The following SYNPR variants were observed in gnomAD, a reference collection of about 807,000 sequenced individuals.
SYNPR encodes the protein synaptoporin.
A neutral mutation model predicts 32.9 loss-of-function variants in SYNPR; 23 were observed. That is an observed-to-expected ratio of 0.70 (90% CI 0.50 to 0.99). SYNPR has a LOEUF of 0.99. SYNPR is among the 50% of genes least tolerant of loss of function. The probability of loss-of-function intolerance (pLI) is 0.00; values close to 1 mark genes in which losing one functional copy is unlikely to be tolerated. For synonymous variants in SYNPR, 146 were observed against 135.9 expected, an observed-to-expected ratio of 1.07 and a Z score of -0.52; for missense variants, 318 against 349.3, an observed-to-expected ratio of 0.91 and a Z score of 0.71.
chr3:63,244,234 G>A (rs148176544), intron 1 of SYNPR, among the ~76,000 whole-genome samples: 3 of 152,028 alleles, frequency 2.0e-5, no homozygotes, highest in Non-Finnish European at 4.4e-5. Flanking sequence ...CACAGATAAT[G>A]TATCTAATAT....
At chr3:63,255,773 C>G (rs923758284) in intron 2 of SYNPR, among the ~76,000 whole-genome samples, 1 of 151,832 alleles carries the variant, frequency 6.6e-6, no homozygotes, top group Non-Finnish European at 1.5e-5. Context: ...TGCAGTGCAC[C>G]GAGTGTGAGC....
At chr3:63,412,507 T>C (rs1457329428) in intron 2 of SYNPR, among the ~76,000 whole-genome samples, 1 of 152,118 alleles carries the variant, frequency 6.6e-6, no homozygotes, top group Non-Finnish European at 1.5e-5. Context: ...GTTTATAGTA[T>C]AGCTGAGACA....
At chr3:63,204,879 G>A in the SYNPR span, among the ~76,000 whole-genome samples, 107,346 of 151,786 alleles carry the variant, frequency 0.71, 38,461 homozygotes, top group Middle Eastern at 0.78. Context: ...GTAGAGATGA[G>A]GTTTTGCCAT....
chr3:63,399,358 C>T (rs2088259752), intron 2 of SYNPR, among the ~76,000 whole-genome samples: 1 of 152,134 alleles, frequency 6.6e-6, no homozygotes, highest in South Asian at 2.1e-4. Context: ...TGATGGACAT[C>T]ACTAGTTGAT....
intron 2 of SYNPR, among the ~76,000 whole-genome samples, chr3:63,292,871 T>C (rs1403211988): frequency 6.6e-6 from 1 of 152,136 alleles, no homozygotes; most frequent in Non-Finnish European, 1.5e-5. Context: ...TGAATTTGAG[T>C]GGGACAGTAA....
At chr3:63,495,484 G>T (rs1306453120) in intron 3 of SYNPR, among the ~76,000 whole-genome samples, 1 of 152,108 alleles carries the variant, frequency 6.6e-6, no homozygotes, top group African/African-American at 2.4e-5. Context: ...TACAGAGCTG[G>T]GGCTTCTTCC....
At chr3:63,601,035 G>A (rs1700033214) in intron 4 of SYNPR, among the ~76,000 whole-genome samples, 1 of 152,184 alleles carries the variant, frequency 6.6e-6, no homozygotes, top group Non-Finnish European at 1.5e-5. Flanking sequence ...CACTTTGGGA[G>A]GCCGAGGTGG....
intron 2 of SYNPR, among the ~76,000 whole-genome samples, chr3:63,264,119 G>C (rs1389279830): frequency 6.6e-6 from 1 of 152,110 alleles, no homozygotes; most frequent in Non-Finnish European, 1.5e-5. Context: ...TGATTCTGCT[G>C]TTCTATGTCT....
intron 4 of SYNPR, among the ~76,000 whole-genome samples, chr3:63,563,078 A>C (rs1379116898): frequency 6.6e-6 from 1 of 152,158 alleles, no homozygotes; most frequent in Non-Finnish European, 1.5e-5. Flanking sequence ...GTAGTTCCTT[A>C]GTCCCACAAA....
At chr3:63,354,083 C>T (rs1431395739) in intron 2 of SYNPR, among the ~76,000 whole-genome samples, 2 of 152,166 alleles carry the variant, frequency 1.3e-5, no homozygotes, top group African/African-American at 4.8e-5. Flanking sequence ...CTTGAGTTTC[C>T]TCACAAATAA....
intron 2 of SYNPR, among the ~76,000 whole-genome samples, chr3:63,414,918 C>A (rs1275744971): frequency 6.6e-6 from 1 of 152,242 alleles, no homozygotes; most frequent in East Asian, 1.9e-4. Flanking sequence ...TTCGTTTTAT[C>A]TCTAAAAGTG....
At chr3:63,475,027 T>G (rs914017475) in intron 2 of SYNPR, among the ~76,000 whole-genome samples, 1 of 152,224 alleles carries the variant, frequency 6.6e-6, no homozygotes, top group African/African-American at 2.4e-5. Context: ...ACACAAGGAT[T>G]GAGCTGCTTG....
chr3:63,529,439 G>T (rs906070316), intron 3 of SYNPR, among the ~76,000 whole-genome samples: 2 of 152,158 alleles, frequency 1.3e-5, no homozygotes, highest in African/African-American at 4.8e-5. Flanking sequence ...CAGATGTGGA[G>T]CCCAGGTACA....
intron 1 of SYNPR, among the ~76,000 whole-genome samples, chr3:63,237,155 G>A (rs1006128158): frequency 3.9e-5 from 6 of 152,042 alleles, no homozygotes; most frequent in African/African-American, 1.4e-4. Flanking sequence ...ATACGATCAT[G>A]ATTTGACTTG....
chr3:63,399,120 T>C (rs2088256532), intron 2 of SYNPR, among the ~76,000 whole-genome samples: 1 of 152,206 alleles, frequency 6.6e-6, no homozygotes, highest in African/African-American at 2.4e-5. Context: ...TCAGGACCTA[T>C]GGCTAGAATG....
At chr3:63,233,525 C>G (rs765085702) in intron 1 of SYNPR, among the ~76,000 whole-genome samples, 11 of 152,142 alleles carry the variant, frequency 7.2e-5, no homozygotes, top group Non-Finnish European at 2.9e-5. Flanking sequence ...TTACTAAATT[C>G]CATGTGGAAC....
intron 2 of SYNPR, among the ~76,000 whole-genome samples, chr3:63,460,868 G>C (rs1416966051): frequency 6.6e-6 from 1 of 152,090 alleles, no homozygotes; most frequent in African/African-American, 2.4e-5. Flanking sequence ...GGCAGGTACA[G>C]CTGACAAGAC....
chr3:63,584,922 C>T (rs1309894181), intron 4 of SYNPR, among the ~76,000 whole-genome samples: 2 of 152,044 alleles, frequency 1.3e-5, no homozygotes, highest in Non-Finnish European at 2.9e-5. Context: ...GTTAGAAATG[C>T]AGACTCTCAG....
At chr3:63,420,713 T>C (rs1412958243) in intron 2 of SYNPR, among the ~76,000 whole-genome samples, 2 of 152,160 alleles carry the variant, frequency 1.3e-5, no homozygotes, top group African/African-American at 4.8e-5. Flanking sequence ...TTTAAATTTT[T>C]ATATGACGAA....
Sources: gnomAD v4.1 joint callset for allele counts (sites outside exome capture counted in the v4.1 genomes callset) on GRCh38, gnomAD v4.1.1 for gene constraint, MANE v1.5 for transcripts, NCBI Gene and HGNC (gene_info 2026-07-23, HGNC 2026-07-21) for gene names.